The following CDIN1 variants were observed in gnomAD, a reference collection of about 807,000 sequenced individuals.
CDIN1 encodes CDAN1-interacting nuclease 1.
CDIN1 carries 33 observed loss-of-function variants against 45.3 expected under a neutral mutation model. That is an observed-to-expected ratio of 0.73 (90% CI 0.55 to 0.97). The LOEUF is 0.97. CDIN1 is among the 50% of genes least tolerant of loss of function. The pLI, the probability that CDIN1 is intolerant of heterozygous loss-of-function variation, is 0.00. For missense variants in CDIN1, 303 were observed against 339.4 expected, an observed-to-expected ratio of 0.89 and a Z score of 0.84; for synonymous variants, 118 against 124.4, an observed-to-expected ratio of 0.95 and a Z score of 0.34.
intron 1 of CDIN1, among the ~76,000 whole-genome samples, chr15:36,584,911 A>G (rs2140161488): frequency 6.6e-6 from 1 of 152,330 alleles, no homozygotes; most frequent in African/African-American, 2.4e-5. Context: ...TGAACAAAAT[A>G]ACGTTATTTG....
At chr15:36,589,979 C>A (rs1218486519) in intron 1 of CDIN1, among the ~76,000 whole-genome samples, 3 of 152,162 alleles carry the variant, frequency 2.0e-5, no homozygotes, top group South Asian at 4.1e-4. Context: ...CCTGCTTCAC[C>A]TTTTCTTTCC....
intron 10 of CDIN1, among the ~76,000 whole-genome samples, chr15:36,740,404 G>T (rs1052941028): frequency 2.0e-5 from 3 of 152,100 alleles, no homozygotes; most frequent in African/African-American, 7.2e-5. Flanking sequence ...AAGCCCAAAT[G>T]ACATCACCTT....
At chr15:36,600,290 G>T (rs2038034857) in intron 1 of CDIN1, among the ~76,000 whole-genome samples, 1 of 152,226 alleles carries the variant, frequency 6.6e-6, no homozygotes, top group Non-Finnish European at 1.5e-5. Context: ...GAACAAGGGA[G>T]AAAAGGGGCC....
intron 10 of CDIN1, among the ~76,000 whole-genome samples, chr15:36,805,440 G>A (rs575864296): frequency 6.6e-6 from 1 of 151,974 alleles, no homozygotes; most frequent in Non-Finnish European, 1.5e-5. Context: ...ATTTTTATTG[G>A]TCACAAAGGT....
At chr15:36,710,238 A>G (rs1236014203) in intron 10 of CDIN1, among the ~76,000 whole-genome samples, 2 of 152,130 alleles carry the variant, frequency 1.3e-5, no homozygotes, top group Non-Finnish European at 2.9e-5. Context: ...TAAAATACAG[A>G]TAATAAGATG....
At chr15:36,586,568 A>AAAC (rs199672077) in intron 1 of CDIN1, among the ~76,000 whole-genome samples, 4,075 of 152,260 alleles carry the variant, frequency 0.027, 54 homozygotes, top group South Asian at 0.046. Context: ...TTGGGTATTA[A>AAAC]AACAACAACA....
At chr15:36,582,546 A>C (rs1176951182) in intron 1 of CDIN1, among the ~76,000 whole-genome samples, 1 of 152,142 alleles carries the variant, frequency 6.6e-6, no homozygotes, top group Non-Finnish European at 1.5e-5. Context: ...TTTACTCACC[A>C]TTGTTTTTGT....
chr15:36,656,871 T>C (rs1386224543), intron 4 of CDIN1, among the ~76,000 whole-genome samples: 1 of 152,156 alleles, frequency 6.6e-6, no homozygotes, highest in African/African-American at 2.4e-5. Context: ...TTGGTATGAA[T>C]ACGGGACTTG....
At chr15:36,703,315 TATATACATATATCAGATAGATCTATCA>T (rs1275401506) in intron 8 of CDIN1, among the ~76,000 whole-genome samples, 4 of 134,176 alleles carry the variant, frequency 3.0e-5, no homozygotes, top group African/African-American at 1.2e-4. Flanking sequence ...ATCTATCAGA[TATATACATATATCAGATAGATCTATCA>T]GATATATACA....
chr15:36,717,843 A>G (rs892118478), intron 10 of CDIN1, among the ~76,000 whole-genome samples: 4 of 152,110 alleles, frequency 2.6e-5, no homozygotes, highest in South Asian at 4.1e-4. Context: ...ATCACTTAGT[A>G]TGGTCAGTCT....
At chr15:36,801,835 T>C (rs2141132861) in intron 10 of CDIN1, among the ~76,000 whole-genome samples, 1 of 152,338 alleles carries the variant, frequency 6.6e-6, no homozygotes, top group East Asian at 1.9e-4. Context: ...AATTATGGGT[T>C]GCTTTTCCAT....
intron 10 of CDIN1, among the ~76,000 whole-genome samples, chr15:36,806,475 T>A (rs2055230131): frequency 6.6e-6 from 1 of 152,148 alleles, no homozygotes; most frequent in East Asian, 1.9e-4. Context: ...TAGATCACAG[T>A]TTTTTTCTTC....
intron 1 of CDIN1, among the ~76,000 whole-genome samples, chr15:36,639,606 C>CA (rs1877570253): frequency 6.6e-6 from 1 of 151,974 alleles, no homozygotes; most frequent in Non-Finnish European, 1.5e-5. Flanking sequence ...CTGCCCCCCT[C>CA]AAAAAAACAC....
intron 10 of CDIN1, among the ~76,000 whole-genome samples, chr15:36,777,378 G>A (rs2054245829): frequency 6.7e-6 from 1 of 148,814 alleles, no homozygotes; most frequent in Non-Finnish European, 1.5e-5. Context: ...AACCCTTTTA[G>A]AGTTACGCTT....
At chr15:36,581,875 C>A (rs572084923) in intron 1 of CDIN1, among the ~76,000 whole-genome samples, 1 of 152,224 alleles carries the variant, frequency 6.6e-6, no homozygotes, top group Non-Finnish European at 1.5e-5. Flanking sequence ...GGATCTTTTA[C>A]CCATGCCTGA....
intron 5 of CDIN1, among the ~76,000 whole-genome samples, chr15:36,661,040 G>A (rs977910787): frequency 1.3e-5 from 2 of 152,160 alleles, no homozygotes; most frequent in African/African-American, 4.8e-5. Flanking sequence ...AATCACCCAG[G>A]GAGGTGGGTG....
At chr15:36,583,896 G>A (rs1376299339) in intron 1 of CDIN1, among the ~76,000 whole-genome samples, 1 of 152,052 alleles carries the variant, frequency 6.6e-6, no homozygotes, top group Non-Finnish European at 1.5e-5. Context: ...GGCGCCTGTA[G>A]TCCCAGCTAC....
intron 10 of CDIN1, among the ~76,000 whole-genome samples, chr15:36,800,765 C>T (rs977521646): frequency 6.6e-6 from 1 of 150,806 alleles, no homozygotes. Context: ...CCAACAGCCA[C>T]ATGTCTGCAC....
intron 3 of CDIN1, among the ~76,000 whole-genome samples, chr15:36,645,799 A>G (rs993869164): frequency 1.3e-5 from 2 of 152,246 alleles, no homozygotes; most frequent in Non-Finnish European, 2.9e-5. Flanking sequence ...AGGCATTTGG[A>G]GATATATTGT....
Sources: allele counts gnomAD v4.1 joint callset (sites outside exome capture counted in the v4.1 genomes callset), GRCh38; gene constraint gnomAD v4.1.1; transcripts MANE v1.5; gene names NCBI Gene and HGNC (gene_info 2026-07-23, HGNC 2026-07-21).